TEX11: variants seen among roughly 807,000 people sequenced by gnomAD.
TEX11 encodes the protein testis-expressed protein 11.
In TEX11, 7 loss-of-function variants were observed where a neutral mutation model predicts 84.4. That is an observed-to-expected ratio of 0.08 (90% confidence interval 0.05 to 0.16). The LOEUF is 0.16. Among genes scored for constraint, TEX11 ranks in the 10% least tolerant of loss-of-function variants. The probability of loss-of-function intolerance (pLI) is 1.00; values close to 1 mark genes in which losing one functional copy is unlikely to be tolerated. For missense variants in TEX11, 551 were observed against 660.5 expected (o/e 0.83, Z 1.82); for synonymous variants, 264 against 222.8 (o/e 1.18, Z -1.64).
At chrX:70,672,002 C>T (rs1479640045) in intron 15 of TEX11, among the ~76,000 whole-genome samples, 2 of 105,570 alleles carry the variant, frequency 1.9e-5, no homozygotes, top group Non-Finnish European at 3.9e-5. Flanking sequence ...CAATCCAGTT[C>T]ATTCTGGTCT....
chrX:70,677,758 A>G (rs2090084925), intron 15 of TEX11, among the ~76,000 whole-genome samples: 1 of 108,900 alleles, frequency 9.2e-6, no homozygotes, highest in South Asian at 4.1e-4. Flanking sequence ...TGGAAACTCA[A>G]AGCAGTAAGC....
intron 22 of TEX11, among the ~76,000 whole-genome samples, chrX:70,607,575 C>T (rs746365021): frequency 4.7e-5 from 5 of 107,194 alleles, no homozygotes; most frequent in South Asian, 8.2e-4. Context: ...AAAACTCCGT[C>T]TCAAAAAAAA....
At chrX:70,755,829 T>C (rs2090863165) in intron 9 of TEX11, among the ~76,000 whole-genome samples, 1 of 112,307 alleles carries the variant, frequency 8.9e-6, no homozygotes, top group Non-Finnish European at 1.9e-5. Context: ...CTGGGGACTT[T>C]CCTTTCCTAG....
intron 28 of TEX11, among the ~76,000 whole-genome samples, chrX:70,543,435 T>C (rs1053901414): frequency 1.8e-5 from 2 of 111,369 alleles, no homozygotes; most frequent in African/African-American, 6.5e-5. Context: ...TTTGGCCTTA[T>C]AGAGAGACTA....
At chrX:70,528,088 T>G (rs762189559), downstream of TEX11, among the ~76,000 whole-genome samples, 2 of 111,497 alleles carry the variant, frequency 1.8e-5, no homozygotes, top group Admixed American at 1.9e-4. Flanking sequence ...CCAGATCACA[T>G]GAGGAACAAC....
At chrX:70,846,016 G>T (rs1025032077) in intron 7 of TEX11, 2 of 111,023 alleles carry the variant, frequency 1.8e-5, no homozygotes, top group Non-Finnish European at 3.8e-5. Flanking sequence ...ATCTTTACTC[G>T]CTTATCAAGG....
chrX:70,655,472 C>A (rs138310974), intron 16 of TEX11, among the ~76,000 whole-genome samples: 86 of 111,623 alleles, frequency 7.7e-4, no homozygotes, highest in African/African-American at 2.7e-3. Flanking sequence ...TAGATGCCTG[C>A]CATTTTGCCA....
chrX:70,565,623 G>A lies in TEX11; in HGVS notation c.2141-10823C>T, dbSNP rs2088457284. Among the ~76,000 whole-genome samples the A allele has an allele frequency of 1.0e-4, 11 of 110,531 alleles. No homozygotes were observed. In the South Asian group the frequency reaches 4.3e-3, roughly 43 times the overall value. On this transcript the variant is annotated intron_variant, in intron 25 of 29. Transcript: ENST00000374333. ...ATCCAGTTTCAGCTTTCTACATATG[G>A]CTAGCCAGTTTTCCCAGCACCATTT...
At chrX:70,655,298 T>A (rs765942593) in intron 16 of TEX11, among the ~76,000 whole-genome samples, 1 of 111,092 alleles carries the variant, frequency 9.0e-6, no homozygotes, top group African/African-American at 3.3e-5. Flanking sequence ...GTGGTCTCCG[T>A]CTTATGATTT....
chrX:70,677,473 C>A (rs1417709444), intron 15 of TEX11, among the ~76,000 whole-genome samples: 1 of 112,052 alleles, frequency 8.9e-6, no homozygotes, highest in Non-Finnish European at 1.9e-5. Flanking sequence ...TCATGTATGT[C>A]CTGATCAGAA....
the TEX11 span, among the ~76,000 whole-genome samples, chrX:70,517,682 G>A: frequency 5.4e-5 from 6 of 111,729 alleles, no homozygotes; most frequent in East Asian, 8.4e-4. Context: ...GATTGGAATA[G>A]TTTCAGAAAG....
chrX:70,552,725 A>C (rs1259028148), intron 27 of TEX11, among the ~76,000 whole-genome samples: 1 of 112,007 alleles, frequency 8.9e-6, no homozygotes, highest in Non-Finnish European at 1.9e-5. Flanking sequence ...AAAGTCTCCA[A>C]TAGATAATAT....
intron 2 of TEX11, among the ~76,000 whole-genome samples, chrX:70,896,012 T>C (rs939554418): frequency 8.9e-6 from 1 of 111,995 alleles, no homozygotes; most frequent in Non-Finnish European, 1.9e-5. Flanking sequence ...AAAGCCAAAA[T>C]TGACAAATTG....
chrX:70,778,994 G>C (rs1462905350), intron 9 of TEX11, among the ~76,000 whole-genome samples: 2 of 111,023 alleles, frequency 1.8e-5, no homozygotes, highest in African/African-American at 6.6e-5. Flanking sequence ...AAGCTTTCTT[G>C]AGATTAGTCT....
At chrX:70,828,058 T>C (rs1419996389) in intron 8 of TEX11, among the ~76,000 whole-genome samples, 1 of 111,745 alleles carries the variant, frequency 8.9e-6, no homozygotes, top group African/African-American at 3.3e-5. Flanking sequence ...AAACACAGCA[T>C]TATTAGGCTT....
rs748568735 is a variant in TEX11, at chrX:70,805,664, G to A, written c.692+1041C>T. On this transcript the variant is annotated intron_variant, in intron 9 of 29. Coordinates refer to ENST00000374333, the MANE Select transcript of TEX11 (RefSeq NM_031276.3). ...GATCTGCCCACCTTGGCCTCCCAAA[G>A]TGCTGGGATTACAGGTGTGAGCCAC... is the stretch of plus-strand genomic sequence containing the variant. Among the ~76,000 whole-genome samples the A allele has an allele frequency of 2.1e-4, 23 of 112,071 alleles. No individual in the cohort carries two copies. In the South Asian group the frequency reaches 6.3e-3, roughly 31 times the overall value.
intron 25 of TEX11, among the ~76,000 whole-genome samples, chrX:70,589,886 T>A (rs187326469): frequency 8.9e-6 from 1 of 112,384 alleles, no homozygotes; most frequent in Non-Finnish European, 1.9e-5. Flanking sequence ...TAAATTCTAC[T>A]ATGAGTTATT....
At chrX:70,707,626 A>G (rs912248497) in intron 13 of TEX11, among the ~76,000 whole-genome samples, 2 of 111,608 alleles carry the variant, frequency 1.8e-5, no homozygotes, top group Non-Finnish European at 3.8e-5. Context: ...TTGTTACTCA[A>G]CTGATCAAGC....
intron 9 of TEX11, among the ~76,000 whole-genome samples, chrX:70,803,437 G>A (rs1325701490): frequency 9.0e-6 from 1 of 111,491 alleles, no homozygotes; most frequent in Non-Finnish European, 1.9e-5. Context: ...GAAAAGGCAG[G>A]AGGGTGATAA....
Sources: allele counts gnomAD v4.1 joint callset (sites outside exome capture counted in the v4.1 genomes callset), GRCh38; gene constraint gnomAD v4.1.1; transcripts MANE v1.5; gene names NCBI Gene and HGNC (gene_info 2026-07-23, HGNC 2026-07-21).